The following SUGCT variants were observed in gnomAD, a reference collection of about 807,000 sequenced individuals.
The protein encoded by SUGCT is succinyl-CoA:glutarate CoA-transferase.
A neutral mutation model predicts 55.0 loss-of-function variants in SUGCT; 41 were observed. The observed-to-expected ratio is 0.74, with a 90% CI of 0.58 to 0.97. The LOEUF (loss-of-function observed/expected upper bound fraction) is 0.97, where lower values mean the gene tolerates loss of function less well. SUGCT is among the 50% of genes least tolerant of loss of function. SUGCT has a pLI of 0.00. For synonymous variants in SUGCT, 187 were observed against 200.4 expected (o/e 0.93, Z 0.56); for missense variants, 568 against 547.8 (o/e 1.04, Z -0.37).
At chr7:40,403,963 C>T (rs1786223383) in intron 9 of SUGCT, among the ~76,000 whole-genome samples, 1 of 152,098 alleles carries the variant, frequency 6.6e-6, no homozygotes, top group Non-Finnish European at 1.5e-5. Flanking sequence ...GCATTACATT[C>T]TTGGGCATTT....
At chr7:40,452,733 A>C (rs896216337) in intron 10 of SUGCT, among the ~76,000 whole-genome samples, 1 of 152,226 alleles carries the variant, frequency 6.6e-6, no homozygotes, top group Non-Finnish European at 1.5e-5. Context: ...AGCACTTAGA[A>C]TAGGCCTTGC....
At chr7:40,346,966 A>G (rs1797349605) in intron 9 of SUGCT, among the ~76,000 whole-genome samples, 1 of 152,228 alleles carries the variant, frequency 6.6e-6, no homozygotes, top group African/African-American at 2.4e-5. Context: ...AAAAGCACCC[A>G]GTCTATGGTA....
chr7:40,965,353 T>G, the SUGCT span: 4 of 152,270 alleles, frequency 2.6e-5, no homozygotes, highest in Non-Finnish European at 4.4e-5. Context: ...TATATGGGCC[T>G]GTGTATTTGC....
At chr7:40,898,555 C>T in the SUGCT span, among the ~76,000 whole-genome samples, 1 of 142,456 alleles carries the variant, frequency 7.0e-6, no homozygotes, top group African/African-American at 2.5e-5. Context: ...AACCCCAGAT[C>T]TACTAAAAAT....
At chr7:40,298,465 A>G (rs534458507) in intron 8 of SUGCT, among the ~76,000 whole-genome samples, 15 of 152,248 alleles carry the variant, frequency 9.9e-5, no homozygotes, top group African/African-American at 3.6e-4. Flanking sequence ...TGTTCTTAGG[A>G]CCTTGGAAGT....
intron 12 of SUGCT, among the ~76,000 whole-genome samples, chr7:40,607,968 A>G (rs1798605637): frequency 6.6e-6 from 1 of 152,214 alleles, no homozygotes; most frequent in African/African-American, 2.4e-5. Context: ...ATGTCCATGA[A>G]TATTTCCAAG....
chr7:40,708,412 A>AT (rs1479776190), intron 12 of SUGCT, among the ~76,000 whole-genome samples: 1 of 152,018 alleles, frequency 6.6e-6, no homozygotes, highest in African/African-American at 2.4e-5. Context: ...AGGTCAATAA[A>AT]CTTTTCTGGA....
rs539540084 is a variant in SUGCT at position 40,656,625 on chromosome 7, C to A, written c.1090-92809C>A. 3.9e-5 allele frequency among the ~76,000 whole-genome samples: 6 copies of A among 152,292 alleles called. No individual in the cohort carries two copies. The East Asian group carries it at 1.2e-3, about 29-fold the overall frequency. On this transcript the variant is annotated intron_variant, in intron 12 of 13. Transcript: ENST00000335693. ...ACCTACTCCTTGACCTTTCTTAAAA[C>A]CTACTCCTCTCTCAAACTCATTTAG...
intron 13 of SUGCT, among the ~76,000 whole-genome samples, chr7:40,750,758 AG>A (rs1787968176): frequency 6.6e-6 from 1 of 152,218 alleles, no homozygotes; most frequent in African/African-American, 2.4e-5. Context: ...CTAAGAGAGC[AG>A]GTATAAGCAA....
At chr7:40,405,446 A>G (rs1786307353) in intron 9 of SUGCT, among the ~76,000 whole-genome samples, 2 of 152,196 alleles carry the variant, frequency 1.3e-5, no homozygotes, top group Admixed American at 1.3e-4. Context: ...TAATTATTAC[A>G]AAGCACATTT....
the SUGCT span, among the ~76,000 whole-genome samples, chr7:40,954,414 C>A: frequency 1.3e-5 from 2 of 152,202 alleles, no homozygotes; most frequent in Non-Finnish European, 2.9e-5. Context: ...TGAGGCGATG[C>A]CTTGCCTTGC....
chr7:40,647,047 C>T (rs924569278), intron 12 of SUGCT, among the ~76,000 whole-genome samples: 1 of 152,164 alleles, frequency 6.6e-6, no homozygotes. Flanking sequence ...GCTGGGTACA[C>T]CTGAGTGTCA....
At chr7:40,888,826 C>T in the SUGCT span, among the ~76,000 whole-genome samples, 2 of 152,170 alleles carry the variant, frequency 1.3e-5, no homozygotes, top group Non-Finnish European at 2.9e-5. Flanking sequence ...AGGTCACCTA[C>T]TCCCGAGTAT....
chr7:40,165,544 G>T (rs1049535040), intron 1 of SUGCT, among the ~76,000 whole-genome samples: 1 of 152,094 alleles, frequency 6.6e-6, no homozygotes, highest in Non-Finnish European at 1.5e-5. Context: ...TATACAAGCT[G>T]CTCAATATAT....
intron 9 of SUGCT, among the ~76,000 whole-genome samples, chr7:40,367,818 G>A (rs1297031419): frequency 4.6e-5 from 7 of 152,022 alleles, no homozygotes; most frequent in South Asian, 2.1e-4. Context: ...CCTCCCAAGC[G>A]TCATGTCACC....
intron 1 of SUGCT, chr7:40,141,828 G>A (rs1366480854): frequency 2.4e-6 from 1 of 413,466 alleles, no homozygotes; most frequent in South Asian, 1.8e-5. Flanking sequence ...TCTCAGCAAG[G>A]CAATGTACTT....
chr7:40,213,997 GTAGA>G (rs1203679255), intron 6 of SUGCT, among the ~76,000 whole-genome samples: 2 of 152,064 alleles, frequency 1.3e-5, no homozygotes, highest in African/African-American at 4.8e-5. Flanking sequence ...GCCTTGCAAG[GTAGA>G]TAGATATTAT....
chr7:40,250,183 A>G (rs1441901408), intron 7 of SUGCT, among the ~76,000 whole-genome samples: 1 of 151,920 alleles, frequency 6.6e-6, no homozygotes, highest in African/African-American at 2.4e-5. Flanking sequence ...GGATTGCTTC[A>G]GCTCAGGAGT....
chr7:40,960,441 G>T, the SUGCT span, among the ~76,000 whole-genome samples: 2 of 152,224 alleles, frequency 1.3e-5, no homozygotes, highest in East Asian at 1.9e-4. Context: ...AGTCCCATTA[G>T]TGCCATTAGA....
Sources: gnomAD v4.1 joint callset for allele counts (sites outside exome capture counted in the v4.1 genomes callset) on GRCh38, gnomAD v4.1.1 for gene constraint, MANE v1.5 for transcripts, NCBI Gene and HGNC (gene_info 2026-07-23, HGNC 2026-07-21) for gene names.